Variants in ZNF536 observed in about 807,000 individuals in gnomAD.
ZNF536 encodes the protein zinc finger protein 536.
ZNF536 carries 13 observed loss-of-function variants against 84.5 expected under a neutral mutation model. That is an observed-to-expected ratio of 0.15 (90% confidence interval 0.10 to 0.24). ZNF536 has a LOEUF of 0.24. ZNF536 is among the 10% of genes least tolerant of loss of function. The pLI, the probability that ZNF536 is intolerant of heterozygous loss-of-function variation, is 1.00. For synonymous variants in ZNF536, 811 were observed against 742.5 expected (o/e 1.09, Z -1.50); for missense variants, 1,536 against 1,747.5 (o/e 0.88, Z 2.16).
chr19:30,361,177 A>AG (rs1416569834), intron 3 of ZNF536, among the ~76,000 whole-genome samples: 6 of 152,104 alleles, frequency 3.9e-5, no homozygotes, highest in African/African-American at 1.4e-4. Flanking sequence ...ACCAAAAAAA[A>AG]AGGGGACTTG....
chr19:30,620,494 G>C (rs1208927457), intron 1 of ZNF536, among the ~76,000 whole-genome samples: 2 of 152,180 alleles, frequency 1.3e-5, no homozygotes, highest in African/African-American at 4.8e-5. Context: ...GGGAATGGAA[G>C]TCCTGCAGGT....
chr19:30,427,922 A>C (rs748435622), intron 1 of ZNF536, among the ~76,000 whole-genome samples: 5 of 152,222 alleles, frequency 3.3e-5, no homozygotes, highest in Non-Finnish European at 5.9e-5. Flanking sequence ...TTATTTAAAA[A>C]TGGAACCTTG....
chr19:30,283,798 A>G (rs1333454137), intron 1 of ZNF536, among the ~76,000 whole-genome samples: 4 of 152,200 alleles, frequency 2.6e-5, no homozygotes, highest in Non-Finnish European at 5.9e-5. Flanking sequence ...CTTCTGTCCC[A>G]TATAGAGAAG....
intron 2 of ZNF536, among the ~76,000 whole-genome samples, chr19:30,478,266 A>G (rs1036231904): frequency 3.3e-5 from 5 of 151,532 alleles, no homozygotes; most frequent in African/African-American, 7.3e-5. Flanking sequence ...AACTTCCTGT[A>G]TGCTCTTAGG....
chr19:30,316,078 G>T (rs1439006488), intron 2 of ZNF536, among the ~76,000 whole-genome samples: 2 of 152,202 alleles, frequency 1.3e-5, no homozygotes, highest in Non-Finnish European at 2.9e-5. Context: ...TTAAAATGCT[G>T]CAGTAAACAC....
chr19:30,459,089 T>C (rs559089353), intron 2 of ZNF536, among the ~76,000 whole-genome samples: 141 of 152,334 alleles, frequency 9.3e-4, no homozygotes, highest in African/African-American at 3.2e-3. Context: ...TTTGCCTCTC[T>C]TTATAAAGCC....
chr19:30,465,503 G>A (rs1329323815), intron 2 of ZNF536, among the ~76,000 whole-genome samples: 1 of 152,168 alleles, frequency 6.6e-6, no homozygotes, highest in Non-Finnish European at 1.5e-5. Context: ...CGCCAGGAGA[G>A]CAGGGTTGGT....
chr19:30,302,280 G>T (rs1055037333), intron 2 of ZNF536, among the ~76,000 whole-genome samples: 5 of 152,306 alleles, frequency 3.3e-5, no homozygotes, highest in South Asian at 4.1e-4. Flanking sequence ...CTGCGGCAGG[G>T]AGGGCTCAAG....
At chr19:30,622,639 T>C (rs2048524083) in intron 1 of ZNF536, among the ~76,000 whole-genome samples, 1 of 152,190 alleles carries the variant, frequency 6.6e-6, no homozygotes, top group Non-Finnish European at 1.5e-5. Context: ...TTTCAGACTA[T>C]CTGGGGATGC....
At chr19:30,537,527 G>A (rs2045137596) in intron 3 of ZNF536, among the ~76,000 whole-genome samples, 1 of 152,186 alleles carries the variant, frequency 6.6e-6, no homozygotes, top group South Asian at 2.1e-4. Flanking sequence ...GTGAGGAAAG[G>A]CGGTGCCTCT....
At chr19:30,586,905 G>A (rs956959017) in intron 1 of ZNF536, among the ~76,000 whole-genome samples, 1 of 152,206 alleles carries the variant, frequency 6.6e-6, no homozygotes, top group Non-Finnish European at 1.5e-5. Context: ...AAATCATGAG[G>A]AAGAGATTCA....
intron 1 of ZNF536, among the ~76,000 whole-genome samples, chr19:30,693,501 GTC>G (rs1210069842): frequency 6.6e-6 from 1 of 152,092 alleles, no homozygotes; most frequent in African/African-American, 2.4e-5. Flanking sequence ...GATATGCAAA[GTC>G]TGACACCTTT....
intron 1 of ZNF536, among the ~76,000 whole-genome samples, chr19:30,607,226 G>A (rs929064686): frequency 6.6e-6 from 1 of 152,146 alleles, no homozygotes; most frequent in African/African-American, 2.4e-5. Flanking sequence ...GAGTGTGGCT[G>A]TAACTTGCTT....
intron 2 of ZNF536, among the ~76,000 whole-genome samples, chr19:30,468,136 CCT>C (rs2053492096): frequency 6.6e-6 from 1 of 152,218 alleles, no homozygotes; most frequent in Non-Finnish European, 1.5e-5. Flanking sequence ...GAAAACAACC[CCT>C]GTGGTCCAGT....
chr19:30,607,450 T>A (rs974766714), intron 1 of ZNF536, among the ~76,000 whole-genome samples: 2 of 152,108 alleles, frequency 1.3e-5, no homozygotes, highest in Non-Finnish European at 2.9e-5. Context: ...CCGGGCACAG[T>A]GTCTCATGCC....
At chr19:30,371,141 AC>A (rs1301803445), upstream of ZNF536, among the ~76,000 whole-genome samples, 2 of 152,240 alleles carry the variant, frequency 1.3e-5, no homozygotes, top group Non-Finnish European at 2.9e-5. Context: ...ATTTCTAAAT[AC>A]CGAACCAGAA....
chr19:30,492,309 T>C (rs1227837597), intron 2 of ZNF536, among the ~76,000 whole-genome samples: 2 of 152,218 alleles, frequency 1.3e-5, no homozygotes, highest in African/African-American at 4.8e-5. Context: ...AACAAGTTTT[T>C]CTTTTAACTT....
chr19:30,403,776 A>G (rs74525274), intron 1 of ZNF536, among the ~76,000 whole-genome samples: 1 of 152,280 alleles, frequency 6.6e-6, no homozygotes, highest in African/African-American at 2.4e-5. Flanking sequence ...GTCCCTGGGC[A>G]TGCTGTCCCC....
At chr19:30,344,489 G>A (rs1221513501) in intron 2 of ZNF536, among the ~76,000 whole-genome samples, 1 of 141,220 alleles carries the variant, frequency 7.1e-6, no homozygotes, top group Non-Finnish European at 1.5e-5. Context: ...CCATATCTCA[G>A]ACTCCATACT....
Sources: gnomAD v4.1 joint callset for allele counts (sites outside exome capture counted in the v4.1 genomes callset) on GRCh38, gnomAD v4.1.1 for gene constraint, MANE v1.5 for transcripts, NCBI Gene and HGNC (gene_info 2026-07-23, HGNC 2026-07-21) for gene names.